SON: variants seen among roughly 807,000 people sequenced by gnomAD.
The protein encoded by SON is SON DNA and RNA binding protein, also known as protein SON.
A neutral mutation model predicts 173.3 loss-of-function variants in SON; 4 were observed. The ratio of observed to expected loss-of-function variants is 0.02; its 90% confidence interval spans 0.01 to 0.05. SON has a LOEUF of 0.05. Among genes scored for constraint, SON ranks in the 10% least tolerant of loss-of-function variants. The pLI, the probability that SON is intolerant of heterozygous loss-of-function variation, is 1.00. For missense variants in SON, 2,626 were observed against 3,055.3 expected, an observed-to-expected ratio of 0.86 and a Z score of 3.31; for synonymous variants, 1,190 against 1,105.9, an observed-to-expected ratio of 1.08 and a Z score of -1.51.
rs779154785 is a variant in SON at position 33,559,418 on chromosome 21, G to T, written c.6468+42G>T. On this transcript the variant is annotated intron_variant, in intron 5 of 11. Coordinates refer to ENST00000356577, the MANE Select transcript of SON (RefSeq NM_138927.4). The surrounding 1 kb of genome is among the most constrained non-coding windows in gnomAD (Gnocchi z 4.1). ...ATGGATTGGTAAAACAGTGTAACTT[G>T]TGGAACTATTTAAATAAAACCCAAA... 12 of 1,554,408 alleles carry T rather than the reference G, an allele frequency of 7.7e-6. No individual in the cohort carries two copies. The African/African-American group carries it at 1.4e-4, about 18-fold the overall frequency.
At chr21:33,564,331 T>C (rs1052918663) in intron 6 of SON, among the ~76,000 whole-genome samples, 9 of 152,202 alleles carry the variant, frequency 5.9e-5, no homozygotes, top group African/African-American at 1.7e-4. Flanking sequence ...TACTGGGCAA[T>C]GCTGCTCTAA....
rs1465806385 is a variant in SON, at chr21:33,577,090, G to T, written c.*666G>T. On this transcript the variant is annotated 3_prime_UTR_variant, in exon 12 of 12. Transcript: ENST00000356577. Reference sequence around the variant, plus strand: ...GGTTCTAAAAAGAAAGTGGTATGTTGTGTGATGATCAGCACTAAGTCCTGC... The same window carrying T: ...GGTTCTAAAAAGAAAGTGGTATGTTTTGTGATGATCAGCACTAAGTCCTGC... 1 of 158,734 alleles carries T rather than the reference G, an allele frequency of 6.3e-6. No individual in the cohort carries two copies. Among genetic ancestry groups the T allele is most frequent in the Admixed American group, 5.9e-5 (1 of 16,958 alleles). The allele number at this position is 158,734 out of a possible 1,614,324, so 9.8% of individuals were successfully genotyped here. A position where few individuals can be genotyped will look rare whatever the true frequency, so the allele number is the denominator to read the frequency against.
chr21:33,550,272 A>G lies in SON; in HGVS notation c.1041A>G (p.Pro347=). The part of the protein sequence containing the change: ...LRLPEQPVDV[P]SEIADSSMTR... ...TGCCAGAGCAGCCTGTAGACGTACCATCGGAGATTGCAGATTCATCCATGA... is the reference window on the plus strand; with the variant it reads ...TGCCAGAGCAGCCTGTAGACGTACCGTCGGAGATTGCAGATTCATCCATGA... The change falls in exon 3 of 12, where the codon CCA becomes CCG. Residue 347 remains proline, a synonymous_variant. Transcript: ENST00000356577. 5 of 1,614,240 alleles carry G rather than the reference A, an allele frequency of 3.1e-6. No individual in the cohort carries two copies. The highest frequency in any genetic ancestry group is 4.2e-6 in the Non-Finnish European group (5 of 1,180,034).
intron 3 of SON, among the ~76,000 whole-genome samples, chr21:33,556,629 A>G (rs2085971793): frequency 6.6e-6 from 1 of 150,956 alleles, no homozygotes; most frequent in Non-Finnish European, 1.5e-5. Flanking sequence ...CAGGAGAATC[A>G]CTTGAACCTG....
chr21:33,543,239 T>C (rs2085502156), intron 1 of SON, 70 bp downstream of exon 1: 1 of 1,376,486 alleles, frequency 7.3e-7, no homozygotes, highest in South Asian at 1.2e-5. Flanking sequence ...TTTGGCACCT[T>C]TCTTCGGAGA....
rs1019949761 is a variant in SON at position 33,565,477 on chromosome 21, C to T, written c.6658-1680C>T. On this transcript the variant is annotated intron_variant, in intron 6 of 11. Transcript: ENST00000356577. The stretch of plus-strand genomic sequence containing the variant: ...AAATTACCTTGATAATCCTACCTGA[C>T]AAAACATCTTAAGGTAGGCCTAGGG... Among the ~76,000 whole-genome samples, 4 of 152,098 alleles carry T rather than the reference C, an allele frequency of 2.6e-5. No homozygotes were observed. The East Asian group carries it at 7.7e-4, about 29-fold the overall frequency.
In SON at chr21:33,552,197, G is replaced by A. The variant is rs768228616; in HGVS notation, c.2966G>A (p.Arg989Lys). The change falls in exon 3 of 12, where the codon AGA (arginine) becomes AAA (lysine). Residue 989 changes from arginine (R) to lysine (K), a missense_variant. Coordinates refer to ENST00000356577, the MANE Select transcript of SON (RefSeq NM_138927.4). The surrounding 1 kb of genome is among the most constrained non-coding windows in gnomAD (Gnocchi z 5.6). Reference protein sequence around the residue: ...IAPRPYRLAPRPLMLASRRSM... With the variant: ...IAPRPYRLAPKPLMLASRRSM... ...CCCAGGCCATATAGGTTAGCACCTA[G>A]ACCCCTGATGTTAGCATCTAGACGT... 12 of 1,614,126 alleles carry A rather than the reference G, an allele frequency of 7.4e-6. No individual in the cohort carries two copies. The South Asian group carries it at 8.8e-5, about 12-fold the overall frequency.
At position 33,552,385 on chromosome 21, in the gene SON, C is replaced by T. The variant is rs1228610387; in HGVS notation, c.3154C>T (p.Pro1052Ser). 1.2e-6 allele frequency: 2 copies of T among 1,613,698 alleles called. No individual in the cohort carries two copies. The highest frequency in any genetic ancestry group is 1.1e-5 in the South Asian group (1 of 91,050). The change falls in exon 3 of 12, where the codon CCT (proline) becomes TCT (serine). Residue 1052 changes from proline (P) to serine (S), a missense_variant. Pro to Ser is a moderately conservative substitution (Grantham distance 74). Around this residue, in one of 13 missense-constraint regions of SON, gnomAD observed 366 missense variants for 448.6 expected, o/e 0.82. Transcript: ENST00000356577. This position sits in a 1 kb window ranked among gnomAD's most constrained non-coding sequence, Gnocchi z 5.6. Reference sequence around the variant, plus strand: ...AGCCTACGAGCGCTCTATGATGTCCCCTATGGCTGAGCGCTCTATGATGTC... The same window carrying T: ...AGCCTACGAGCGCTCTATGATGTCCTCTATGGCTGAGCGCTCTATGATGTC... ...MSAYERSMMS[P>S]MAERSMMSAY...
chr21:33,562,254 T>A (rs1316328758), intron 6 of SON, among the ~76,000 whole-genome samples: 1 of 152,220 alleles, frequency 6.6e-6, no homozygotes, highest in African/African-American at 2.4e-5. Flanking sequence ...TGAAATACTT[T>A]TGGTAACACT....
At position 33,559,013 on chromosome 21, in the gene SON, T is replaced by G. The variant is rs2086020918; in HGVS notation, c.6322-217T>G. 3.4e-6 allele frequency: 1 copy of G among 294,300 alleles called. No individual in the cohort carries two copies. The highest frequency in any genetic ancestry group is 6.2e-6 in the Non-Finnish European group (1 of 160,836). 18.2% of individuals were successfully genotyped at this position (294,300 alleles called of 1,614,324 possible). ...CCCCAGACAGTGCCCAGTACAGTGC[T>G]CTCTCTGCACATAGTAGGTGCTCAA... is the stretch of plus-strand genomic sequence containing the variant. On this transcript the variant is annotated intron_variant, in intron 4 of 11. Coordinates refer to ENST00000356577, the MANE Select transcript of SON (RefSeq NM_138927.4). This position sits in a 1 kb window ranked among gnomAD's most constrained non-coding sequence, Gnocchi z 4.1.
rs1275847486 is a variant in SON at position 33,551,011 on chromosome 21, C to T, written c.1780C>T (p.Leu594=). 2 of 1,607,952 alleles carry T rather than the reference C, an allele frequency of 1.2e-6. No homozygotes were observed. Among genetic ancestry groups the T allele is most frequent in the Admixed American group, 1.7e-5 (1 of 59,336 alleles). The change falls in exon 3 of 12, where the codon CTA becomes TTA. Residue 594 remains leucine, a synonymous_variant. Coordinates refer to ENST00000356577, the MANE Select transcript of SON (RefSeq NM_138927.4). ...GGGGCAGCCTGTGGCAACTGGGGCA[C>T]TAGAGTTGCCTGGGCCGCTCATGGC... ...LSGQPVATGA[L]ELPGPLMAAG... is the part of the protein sequence containing the mutation.
intron 8 of SON, chr21:33,569,610 G>A (rs563742932): frequency 1.9e-5 from 9 of 463,656 alleles, no homozygotes; most frequent in African/African-American, 8.1e-5. Context: ...CTTGGCCCCC[G>A]TTCCTCACTC....
chr21:33,557,761 T>C, intron 4 of SON: 3 of 959,112 alleles, frequency 3.1e-6, no homozygotes, highest in Non-Finnish European at 4.3e-6. Flanking sequence ...TAGCTGGCCA[T>C]TGCCTGAAAG....
intron 6 of SON, among the ~76,000 whole-genome samples, chr21:33,565,186 G>T (rs1312806809): frequency 7.2e-5 from 11 of 152,164 alleles, no homozygotes; most frequent in African/African-American, 1.7e-4. Flanking sequence ...CACTTGGAAA[G>T]AATTAGTTTT....
rs1207162522 is a variant in SON at position 33,551,239 on chromosome 21, T to A, written c.2008T>A (p.Ser670Thr). The part of the protein sequence containing the change: ...TTSELSTMTV[S>T]QSLEVPSTTA... ...ATCGGAGCTGTCAACGATGACCGTG[T>A]CGCAGTCCCTGGAGGTGCCCTCGAC... The change falls in exon 3 of 12, where the codon TCG becomes ACG. Residue 670 changes from serine (S) to threonine (T), a missense_variant. Physicochemically the swap from Ser to Thr is moderately conservative, Grantham distance 58. Around this residue, in one of 13 missense-constraint regions of SON, gnomAD observed 182 missense variants for 193.6 expected, o/e 0.94. Coordinates refer to ENST00000356577, the MANE Select transcript of SON (RefSeq NM_138927.4). 1.9e-6 allele frequency: 3 copies of A among 1,613,944 alleles called. No individual in the cohort carries two copies. The Admixed American group carries it at 5.0e-5, about 27-fold the overall frequency.
rs553662437 is a variant in SON at position 33,559,881 on chromosome 21, G to A, written c.6657+106G>A. 1.2e-6 allele frequency: 2 copies of A among 1,605,738 alleles called. No individual in the cohort carries two copies. Among genetic ancestry groups the A allele is most frequent in the African/African-American group, 1.3e-5 (1 of 74,802 alleles). On this transcript the variant is annotated intron_variant, in intron 6 of 11. Transcript: ENST00000356577. This position sits in a 1 kb window ranked among gnomAD's most constrained non-coding sequence, Gnocchi z 4.1. ...ATTCTGTTTCACTCTTCTTAGGGCC[G>A]GGTTAAACGGCAGGGCCGGGTTAGA...
chr21:33,564,861 CAA>C (rs60295815), intron 6 of SON, among the ~76,000 whole-genome samples: 9 of 98,266 alleles, frequency 9.2e-5, no homozygotes, highest in Middle Eastern at 6.1e-3. Context: ...AACTCCATCT[CAA>C]AAAAAAAAAA....
In SON at chr21:33,553,589, C is replaced by T. The variant is rs1246151951; in HGVS notation, c.4358C>T (p.Thr1453Ile). 2.5e-6 allele frequency: 4 copies of T among 1,614,118 alleles called. No individual in the cohort carries two copies. Among genetic ancestry groups the T allele is most frequent in the Admixed American group, 1.7e-5 (1 of 60,020 alleles). Reference sequence around the variant, plus strand: ...GTGACAGTTTCAGAGCCTGCTGTCACAGTCTCAGAGCAGACTCAAGTAATA... The same window carrying T: ...GTGACAGTTTCAGAGCCTGCTGTCATAGTCTCAGAGCAGACTCAAGTAATA... Reference protein sequence around the residue: ...STVTVSEPAVTVSEQTQVIPT... With the variant: ...STVTVSEPAVIVSEQTQVIPT... The change falls in exon 3 of 12, where the codon ACA becomes ATA. Residue 1453 changes from threonine to isoleucine, a missense_variant. Thr to Ile is a moderately conservative substitution (Grantham distance 89). Coordinates refer to ENST00000356577, the MANE Select transcript of SON (RefSeq NM_138927.4).
At chr21:33,575,438 AAAGAG>A (rs1174327772) in intron 9 of SON, 153 bp from the exon 10 acceptor site, 1 of 503,358 alleles carries the variant, frequency 2.0e-6, no homozygotes, top group African/African-American at 1.9e-5. Flanking sequence ...AAAAACAGTA[AAAGAG>A]AAGAAAGAGA....
Sources: allele counts gnomAD v4.1 joint callset (sites outside exome capture counted in the v4.1 genomes callset), GRCh38; gene constraint gnomAD v4.1.1; regional missense constraint gnomAD v4.1.1; non-coding constraint Gnocchi (gnomAD v3.1); transcripts MANE v1.5; gene names NCBI Gene and HGNC (gene_info 2026-07-23, HGNC 2026-07-21).